The following ADCY9 variants were observed in gnomAD, a reference collection of about 807,000 sequenced individuals.
ADCY9 encodes adenylate cyclase type 9.
ADCY9 carries 50 observed loss-of-function variants against 101.5 expected under a neutral mutation model. The ratio of observed to expected loss-of-function variants is 0.49; its 90% CI spans 0.39 to 0.62. The LOEUF is 0.62. ADCY9 is among the 20% of genes least tolerant of loss of function. ADCY9 has a pLI of 0.00. For missense variants in ADCY9, 1,662 were observed against 1,800.4 expected (o/e 0.92, Z 1.39); for synonymous variants, 905 against 769.3 (o/e 1.18, Z -2.92).
intron 5 of ADCY9, among the ~76,000 whole-genome samples, chr16:3,956,502 T>TTTTTTTTTTTTTTG (rs1410345117): frequency 2.2e-5 from 2 of 90,752 alleles, no homozygotes; most frequent in South Asian, 3.8e-4. Context: ...TTTTTTTTTT[T>TTTTTTTTTTTTTTG]TGGGGGGGGA....
chr16:3,978,007 C>G (rs796730554), intron 8 of ADCY9, among the ~76,000 whole-genome samples: 9 of 152,148 alleles, frequency 5.9e-5, no homozygotes, highest in African/African-American at 2.2e-4. Flanking sequence ...TATGAGCCAC[C>G]GCTCCCGGCC....
chr16:4,001,582 T>G (rs1264921465), intron 3 of ADCY9, among the ~76,000 whole-genome samples: 1 of 152,090 alleles, frequency 6.6e-6, no homozygotes, highest in Non-Finnish European at 1.5e-5. Flanking sequence ...GGGGTCTCAT[T>G]CTAGTGCCCA....
At chr16:4,113,309 G>C (rs1214889044) in intron 2 of ADCY9, among the ~76,000 whole-genome samples, 1 of 152,170 alleles carries the variant, frequency 6.6e-6, no homozygotes, top group Non-Finnish European at 1.5e-5. Context: ...GCCTAGAGAG[G>C]AGAAAGATTT....
At chr16:4,080,106 A>G (rs1285768337) in intron 2 of ADCY9, among the ~76,000 whole-genome samples, 1 of 152,192 alleles carries the variant, frequency 6.6e-6, no homozygotes, top group Non-Finnish European at 1.5e-5. Flanking sequence ...GAAATACTAT[A>G]TTATGTAGAT....
downstream of ADCY9, among the ~76,000 whole-genome samples, chr16:3,958,160 C>T (rs555305594): frequency 0.011 from 1,728 of 152,244 alleles, 19 homozygotes; most frequent in Non-Finnish European, 0.015. Flanking sequence ...AAGACTCTCA[C>T]CAGCCAACCC....
intron 2 of ADCY9, among the ~76,000 whole-genome samples, chr16:4,042,990 G>A (rs2056637535): frequency 6.6e-6 from 1 of 152,160 alleles, no homozygotes; most frequent in Non-Finnish European, 1.5e-5. Context: ...CCAGCACTTT[G>A]GGAGGCCGAG....
chr16:4,029,629 C>T (rs1232616945), intron 2 of ADCY9, among the ~76,000 whole-genome samples: 1 of 152,164 alleles, frequency 6.6e-6, no homozygotes, highest in Non-Finnish European at 1.5e-5. Context: ...TGCCTGTAAT[C>T]CCAGCTACTG....
At chr16:4,009,279 T>C (rs201288753) in intron 2 of ADCY9, among the ~76,000 whole-genome samples, 3 of 118,382 alleles carry the variant, frequency 2.5e-5, no homozygotes, top group African/African-American at 9.1e-5. Flanking sequence ...TTTTGTTTTG[T>C]TTTTCCTTTA....
chr16:4,116,343 C>G lies in ADCY9; in HGVS notation c.-697G>C, dbSNP rs1208102270. Among the ~76,000 whole-genome samples the G allele has an allele frequency of 6.9e-6, 1 of 144,976 alleles. No homozygotes were observed. Among genetic ancestry groups the G allele is most frequent in the Non-Finnish European group, 1.5e-5 (1 of 65,276 alleles). ...CCGCCTCCCCGAGCTAGAGATGCGGCCGCCGCCGCGCCCGCCGCCGTGTCC... is the reference window on the plus strand; with the variant it reads ...CCGCCTCCCCGAGCTAGAGATGCGGGCGCCGCCGCGCCCGCCGCCGTGTCC... On this transcript the variant is annotated 5_prime_UTR_variant, in exon 1 of 11. Coordinates refer to ENST00000294016, the MANE Select transcript of ADCY9 (RefSeq NM_001116.4).
intron 2 of ADCY9, among the ~76,000 whole-genome samples, chr16:4,009,934 A>G (rs1225423284): frequency 6.6e-6 from 1 of 152,202 alleles, no homozygotes; most frequent in Admixed American, 6.5e-5. Context: ...GTGGCCCACA[A>G]GTCACCAGGT....
intron 6 of ADCY9, among the ~76,000 whole-genome samples, chr16:3,985,562 C>T (rs1462674541): frequency 1.3e-5 from 2 of 152,164 alleles, no homozygotes; most frequent in South Asian, 2.1e-4. Flanking sequence ...CGGGTGCATG[C>T]ATGTGATGTC....
chr16:3,988,448 G>GT (rs1597147894), intron 6 of ADCY9, among the ~76,000 whole-genome samples: 33 of 147,956 alleles, frequency 2.2e-4, no homozygotes, highest in Admixed American at 3.3e-4. Flanking sequence ...CAGGGCAGGT[G>GT]GGGGGTTCCC....
chr16:4,030,581 T>TAGTCCCAGCTCCTC (rs2056548883), intron 2 of ADCY9, among the ~76,000 whole-genome samples: 1 of 152,022 alleles, frequency 6.6e-6, no homozygotes, highest in Admixed American at 6.6e-5. Context: ...TGGGTGCCTG[T>TAGTCCCAGCTCCTC]AGTCCCAGCT....
At chr16:4,067,671 C>T (rs931053524) in intron 2 of ADCY9, among the ~76,000 whole-genome samples, 6 of 152,082 alleles carry the variant, frequency 3.9e-5, no homozygotes, top group South Asian at 4.2e-4. Context: ...AGAGAAGTTC[C>T]GAGATCAGCA....
At chr16:4,100,479 G>A (rs969248650) in intron 2 of ADCY9, among the ~76,000 whole-genome samples, 3 of 152,004 alleles carry the variant, frequency 2.0e-5, no homozygotes, top group African/African-American at 7.2e-5. Context: ...AGAGGCGTAT[G>A]CCACCACGCC....
At chr16:3,994,672 G>A (rs2056273466) in intron 3 of ADCY9, among the ~76,000 whole-genome samples, 1 of 152,192 alleles carries the variant, frequency 6.6e-6, no homozygotes, top group African/African-American at 2.4e-5. Context: ...TGGCCAGGCT[G>A]GTCTTGAACT....
chr16:3,967,030 C>A, intron 10 of ADCY9, 64 bp from the exon 11 acceptor site: 3 of 1,367,624 alleles, frequency 2.2e-6, no homozygotes, highest in South Asian at 2.7e-5. Flanking sequence ...TCAGAACAGC[C>A]CCGCTAGCTA....
At chr16:3,984,537 G>A (rs753839299) in intron 6 of ADCY9, among the ~76,000 whole-genome samples, 3 of 152,200 alleles carry the variant, frequency 2.0e-5, no homozygotes, top group African/African-American at 4.8e-5. Flanking sequence ...CACCCATCTC[G>A]GTGTACAGAT....
chr16:4,100,399 G>A (rs1197756045), intron 2 of ADCY9, among the ~76,000 whole-genome samples: 1 of 151,936 alleles, frequency 6.6e-6, no homozygotes, highest in African/African-American at 2.4e-5. Flanking sequence ...GCGCGATCTG[G>A]GCTCACTGCA....
Sources: gnomAD v4.1 joint callset for allele counts (sites outside exome capture counted in the v4.1 genomes callset) on GRCh38, gnomAD v4.1.1 for gene constraint, MANE v1.5 for transcripts, NCBI Gene and HGNC (gene_info 2026-07-23, HGNC 2026-07-21) for gene names.